CSMD1: variants seen among roughly 807,000 people sequenced by gnomAD.
CSMD1 encodes CUB and Sushi multiple domains 1.
Under a neutral mutation model 417.5 loss-of-function variants are expected in CSMD1, and 213 were observed. The ratio of observed to expected loss-of-function variants is 0.51; its 90% confidence interval spans 0.46 to 0.57. The LOEUF (loss-of-function observed/expected upper bound fraction) is 0.57. Among genes scored for constraint, CSMD1 ranks in the 20% least tolerant of loss-of-function variants. The pLI is 0.00. For synonymous variants in CSMD1, 2,862 were observed against 1,736.8 expected (o/e 1.65, Z -16.11); for missense variants, 6,923 against 4,529.7 (o/e 1.53, Z -15.17).
intron 28 of CSMD1, among the ~76,000 whole-genome samples, chr8:3,223,166 A>C (rs542314143): frequency 6.6e-6 from 1 of 152,338 alleles, no homozygotes; most frequent in South Asian, 2.1e-4. Context: ...TATTTTCATA[A>C]AATGACTACA....
intron 3 of CSMD1, among the ~76,000 whole-genome samples, chr8:4,208,937 C>T (rs1261501563): frequency 2.6e-5 from 4 of 152,112 alleles, no homozygotes; most frequent in South Asian, 2.1e-4. Flanking sequence ...CAGATAAAAA[C>T]TTGACCCTTT....
chr8:4,454,413 T>A (rs1799345805), intron 2 of CSMD1, among the ~76,000 whole-genome samples: 1 of 152,186 alleles, frequency 6.6e-6, no homozygotes. Flanking sequence ...CTCTAGGAGA[T>A]CTTCTTTGGA....
intron 5 of CSMD1, among the ~76,000 whole-genome samples, chr8:3,870,343 G>C (rs1805395697): frequency 1.3e-5 from 2 of 151,986 alleles, no homozygotes; most frequent in Admixed American, 6.5e-5. Flanking sequence ...ATGATTTGTA[G>C]CACATATGTA....
intron 1 of CSMD1, among the ~76,000 whole-genome samples, chr8:4,688,280 T>C (rs777856374): frequency 1.3e-5 from 2 of 152,098 alleles, no homozygotes; most frequent in Admixed American, 6.5e-5. Flanking sequence ...TCTAACATAA[T>C]GAATCTATGT....
At chr8:3,628,203 T>A (rs1190025019) in intron 7 of CSMD1, among the ~76,000 whole-genome samples, 1 of 152,190 alleles carries the variant, frequency 6.6e-6, no homozygotes, top group Non-Finnish European at 1.5e-5. Flanking sequence ...GCGGTTGTAT[T>A]TTTATTTTTA....
At chr8:4,807,370 G>A (rs1163065492) in intron 1 of CSMD1, among the ~76,000 whole-genome samples, 3 of 152,100 alleles carry the variant, frequency 2.0e-5, no homozygotes, top group Non-Finnish European at 4.4e-5. Flanking sequence ...GTACTCTCCT[G>A]AGCTTCCCTC....
chr8:3,090,019 G>A (rs1233858312), intron 48 of CSMD1, among the ~76,000 whole-genome samples: 2 of 152,128 alleles, frequency 1.3e-5, no homozygotes, highest in Non-Finnish European at 2.9e-5. Context: ...ACACCTTTAA[G>A]AGTCTGACTA....
chr8:4,653,814 C>CT (rs1247402185), intron 1 of CSMD1, among the ~76,000 whole-genome samples: 5 of 152,122 alleles, frequency 3.3e-5, no homozygotes, highest in Non-Finnish European at 5.9e-5. Context: ...TTGCAAATAA[C>CT]TAATCTTTAT....
intron 4 of CSMD1, among the ~76,000 whole-genome samples, chr8:4,002,483 C>T (rs749984872): frequency 1.2e-4 from 18 of 152,118 alleles, no homozygotes; most frequent in Non-Finnish European, 2.6e-4. Flanking sequence ...TGAAGCTCTA[C>T]AGGATGATCA....
intron 23 of CSMD1, among the ~76,000 whole-genome samples, chr8:3,340,377 A>G (rs866719361): frequency 1.3e-5 from 2 of 152,200 alleles, no homozygotes; most frequent in African/African-American, 4.8e-5. Flanking sequence ...CCATTTCTAA[A>G]AATGTTAGGG....
intron 5 of CSMD1, among the ~76,000 whole-genome samples, chr8:3,874,710 G>T (rs367905856): frequency 6.6e-6 from 1 of 152,218 alleles, no homozygotes; most frequent in Admixed American, 6.5e-5. Flanking sequence ...CAACAAATGC[G>T]ACTGGCGCCC....
intron 10 of CSMD1, among the ~76,000 whole-genome samples, chr8:3,496,694 C>T (rs1325075596): frequency 5.3e-5 from 8 of 152,032 alleles, no homozygotes; most frequent in East Asian, 1.9e-4. Context: ...GGCATGGTGG[C>T]GTGTGCCTAT....
intron 1 of CSMD1, among the ~76,000 whole-genome samples, chr8:4,899,710 T>C (rs190728594): frequency 1.3e-5 from 2 of 152,228 alleles, no homozygotes; most frequent in African/African-American, 4.8e-5. Context: ...TAAAAATTTC[T>C]AATCATATCT....
intron 21 of CSMD1, among the ~76,000 whole-genome samples, chr8:3,355,848 C>T (rs1231224865): frequency 1.3e-5 from 2 of 152,116 alleles, no homozygotes; most frequent in Non-Finnish European, 1.5e-5. Flanking sequence ...AAAAGAAGAT[C>T]CTAAACAATA....
intron 2 of CSMD1, among the ~76,000 whole-genome samples, chr8:4,609,011 A>AG (rs1801028159): frequency 7.4e-6 from 1 of 135,520 alleles, no homozygotes; most frequent in African/African-American, 3.1e-5. Flanking sequence ...ACTTGAATGT[A>AG]GAAAAAAAAA....
At chr8:2,939,974 C>A (rs780571883) in intron 69 of CSMD1, among the ~76,000 whole-genome samples, 1 of 152,152 alleles carries the variant, frequency 6.6e-6, no homozygotes, top group Non-Finnish European at 1.5e-5. Context: ...TGGATGCTGA[C>A]GTGCAGGTGT....
intron 10 of CSMD1, among the ~76,000 whole-genome samples, chr8:3,532,508 C>T (rs1171473364): frequency 6.6e-6 from 1 of 152,100 alleles, no homozygotes; most frequent in African/African-American, 2.4e-5. Context: ...CCCAACCTTC[C>T]CCTCAGATGA....
chr8:4,053,924 A>G (rs1798562948), intron 3 of CSMD1, among the ~76,000 whole-genome samples: 1 of 152,200 alleles, frequency 6.6e-6, no homozygotes, highest in African/African-American at 2.4e-5. Context: ...ATAAAAATGT[A>G]TTTACTTAAC....
chr8:3,458,857 A>G (rs1355405625), intron 12 of CSMD1, among the ~76,000 whole-genome samples: 1 of 152,196 alleles, frequency 6.6e-6, no homozygotes, highest in Non-Finnish European at 1.5e-5. Context: ...ACTCGAGGAC[A>G]CACAAAACAC....
Sources: gnomAD v4.1 joint callset for allele counts (sites outside exome capture counted in the v4.1 genomes callset) on GRCh38, gnomAD v4.1.1 for gene constraint, MANE v1.5 for transcripts, NCBI Gene and HGNC (gene_info 2026-07-23, HGNC 2026-07-21) for gene names.